Variants in PKHD1 observed in about 807,000 individuals in gnomAD.
PKHD1 encodes PKHD1 ciliary IPT domain containing fibrocystin/polyductin, also known as fibrocystin.
In PKHD1, 291 loss-of-function variants were observed where a neutral mutation model predicts 412.0. The ratio of observed to expected loss-of-function variants is 0.71; its 90% CI spans 0.64 to 0.78. The LOEUF (loss-of-function observed/expected upper bound fraction) is 0.78. Ranked by LOEUF, PKHD1 falls within the 30% of genes least tolerant of loss-of-function variation. PKHD1 has a pLI of 0.00. For synonymous variants in PKHD1, 1,777 were observed against 1,821.5 expected, an observed-to-expected ratio of 0.98 and a Z score of 0.62; for missense variants, 4,825 against 4,950.7, an observed-to-expected ratio of 0.97 and a Z score of 0.76.
intron 33 of PKHD1, among the ~76,000 whole-genome samples, chr6:52,020,272 C>T (rs1055335232): frequency 1.4e-4 from 21 of 152,206 alleles, no homozygotes; most frequent in Non-Finnish European, 2.4e-4. Flanking sequence ...CGTGCACACA[C>T]ACACCCCTTG....
At chr6:52,003,349 C>T (rs969155408) in intron 35 of PKHD1, among the ~76,000 whole-genome samples, 3 of 152,128 alleles carry the variant, frequency 2.0e-5, no homozygotes, top group African/African-American at 7.2e-5. Flanking sequence ...TTAAAGACCA[C>T]AGCTTTAATC....
intron 52 of PKHD1, among the ~76,000 whole-genome samples, chr6:51,797,068 C>G (rs923657650): frequency 1.3e-5 from 2 of 152,262 alleles, no homozygotes; most frequent in Admixed American, 1.3e-4. Context: ...CCCACCTCAG[C>G]CTCCCAAAGT....
At chr6:51,966,249 AAT>A (rs1186032838) in intron 35 of PKHD1, among the ~76,000 whole-genome samples, 1 of 152,178 alleles carries the variant, frequency 6.6e-6, no homozygotes, top group Non-Finnish European at 1.5e-5. Flanking sequence ...GACATCAATC[AAT>A]ATATGTAAGA....
At chr6:51,701,833 G>A (rs1311481134) in intron 60 of PKHD1, among the ~76,000 whole-genome samples, 6 of 151,718 alleles carry the variant, frequency 4.0e-5, no homozygotes, top group Non-Finnish European at 5.9e-5. Flanking sequence ...AGAGACCAAA[G>A]AGTAAGAATT....
At chr6:51,630,129 A>T (rs979144578) in intron 65 of PKHD1, among the ~76,000 whole-genome samples, 7 of 152,182 alleles carry the variant, frequency 4.6e-5, no homozygotes, top group South Asian at 2.1e-4. Context: ...ATATGATGAG[A>T]CTGGTGGATT....
intron 35 of PKHD1, among the ~76,000 whole-genome samples, chr6:51,980,584 A>G (rs1030804392): frequency 1.2e-4 from 18 of 152,220 alleles, no homozygotes; most frequent in Non-Finnish European, 2.5e-4. Flanking sequence ...CTCACTGTTG[A>G]AAAAAACCAA....
intron 60 of PKHD1, among the ~76,000 whole-genome samples, chr6:51,666,616 C>T (rs1285061863): frequency 6.6e-6 from 1 of 151,774 alleles, no homozygotes; most frequent in Non-Finnish European, 1.5e-5. Flanking sequence ...CATATGTATA[C>T]ATGTGCCATG....
chr6:51,939,652 GA>G (rs1788152277), intron 36 of PKHD1, among the ~76,000 whole-genome samples: 1 of 151,144 alleles, frequency 6.6e-6, no homozygotes, highest in South Asian at 2.1e-4. Flanking sequence ...CTGACGTCCA[GA>G]CATTCTTTTA....
chr6:51,717,160 C>T (rs1781370505), intron 60 of PKHD1, among the ~76,000 whole-genome samples: 1 of 152,204 alleles, frequency 6.6e-6, no homozygotes, highest in African/African-American at 2.4e-5. Context: ...GCCTGTAATC[C>T]CAACATTTTG....
intron 34 of PKHD1, among the ~76,000 whole-genome samples, chr6:52,012,303 C>T (rs1003736619): frequency 2.0e-5 from 3 of 152,118 alleles, no homozygotes; most frequent in Admixed American, 6.5e-5. Context: ...AGGCAGCTCG[C>T]GTTATAGCTG....
chr6:51,795,198 T>C (rs903175374), intron 52 of PKHD1, among the ~76,000 whole-genome samples: 2 of 152,186 alleles, frequency 1.3e-5, no homozygotes, highest in African/African-American at 4.8e-5. Flanking sequence ...ATCTCTGATT[T>C]CTTTGAGCAG....
chr6:51,713,646 G>T (rs560236694), intron 60 of PKHD1, among the ~76,000 whole-genome samples: 1 of 152,296 alleles, frequency 6.6e-6, no homozygotes, highest in African/African-American at 2.4e-5. Flanking sequence ...CCTTCTGCAG[G>T]TTCTGCAGAG....
chr6:52,016,025 T>C (rs931365768), intron 34 of PKHD1, among the ~76,000 whole-genome samples: 2 of 152,076 alleles, frequency 1.3e-5, no homozygotes, highest in Admixed American at 1.3e-4. Context: ...TCAGATGAAG[T>C]CCCTGAATTC....
intron 60 of PKHD1, among the ~76,000 whole-genome samples, chr6:51,712,168 G>A (rs1042254066): frequency 3.3e-5 from 5 of 152,138 alleles, no homozygotes; most frequent in African/African-American, 9.7e-5. Flanking sequence ...ATCTGCTGTC[G>A]TTAACATGAT....
At chr6:52,050,876 G>T (rs958195458) in intron 21 of PKHD1, among the ~76,000 whole-genome samples, 2 of 152,198 alleles carry the variant, frequency 1.3e-5, no homozygotes, top group Non-Finnish European at 2.9e-5. Context: ...TTTCTTATGT[G>T]TAAAGCGGGG....
At chr6:51,753,958 C>A (rs1027914047) in intron 56 of PKHD1, among the ~76,000 whole-genome samples, 10 of 152,142 alleles carry the variant, frequency 6.6e-5, no homozygotes, top group Admixed American at 6.6e-4. Flanking sequence ...TTACTGAAAT[C>A]ATTGCTGAAG....
chr6:51,656,734 C>T (rs1771927014), intron 61 of PKHD1, among the ~76,000 whole-genome samples: 2 of 150,220 alleles, frequency 1.3e-5, no homozygotes, highest in African/African-American at 4.9e-5. Flanking sequence ...AATCTCAGCT[C>T]ATTGCAACCT....
intron 35 of PKHD1, among the ~76,000 whole-genome samples, chr6:51,970,763 C>A (rs957378000): frequency 6.6e-6 from 1 of 152,134 alleles, no homozygotes; most frequent in Non-Finnish European, 1.5e-5. Context: ...TGGTTGTAGA[C>A]ATGTGACTTT....
intron 52 of PKHD1, among the ~76,000 whole-genome samples, chr6:51,794,310 G>A (rs1794243714): frequency 6.6e-6 from 1 of 151,912 alleles, no homozygotes; most frequent in African/African-American, 2.4e-5. Context: ...TCATATGTCT[G>A]TTGGCTGCGT....
Sources: gnomAD v4.1 joint callset for allele counts (sites outside exome capture counted in the v4.1 genomes callset) on GRCh38, gnomAD v4.1.1 for gene constraint, MANE v1.5 for transcripts, NCBI Gene and HGNC (gene_info 2026-07-23, HGNC 2026-07-21) for gene names.